The following KIAA0232 variants were observed in gnomAD, a reference collection of about 807,000 sequenced individuals.
KIAA0232 encodes the protein uncharacterized protein KIAA0232.
Under a neutral mutation model 122.0 loss-of-function variants are expected in KIAA0232, and 27 were observed. That is an observed-to-expected ratio of 0.22 (90% CI 0.16 to 0.31). KIAA0232 has a LOEUF of 0.31. Ranked by LOEUF, KIAA0232 falls within the 10% of genes least tolerant of loss-of-function variation. KIAA0232 has a pLI of 1.00. For synonymous variants in KIAA0232, 613 were observed against 587.6 expected (o/e 1.04, Z -0.63); for missense variants, 1,551 against 1,634.2 (o/e 0.95, Z 0.88).
chr4:6,873,169 C>T (rs994788714), intron 8 of KIAA0232, among the ~76,000 whole-genome samples: 1 of 151,892 alleles, frequency 6.6e-6, no homozygotes, highest in African/African-American at 2.4e-5. Flanking sequence ...AGGAGATGCC[C>T]CCCGCTAGTT....
chr4:6,823,891 C>T (rs114845862), intron 2 of KIAA0232, among the ~76,000 whole-genome samples: 3,318 of 152,108 alleles, frequency 0.022, 58 homozygotes, highest in Middle Eastern at 0.051. Context: ...CACACTGGAG[C>T]GCAGGGGTTA....
intron 1 of KIAA0232, among the ~76,000 whole-genome samples, chr4:6,784,443 G>A (rs1437619792): frequency 2.6e-5 from 4 of 151,776 alleles, no homozygotes; most frequent in African/African-American, 7.3e-5. Flanking sequence ...GGCGGGGGGG[G>A]AGGAGGAGCG....
Position 6,871,787 on chromosome 4 carries a change from G to A in KIAA0232, c.3910+105G>A. ...TCAGTCCAAGAAACATTTACCAAGA[G>A]GTTTCTGTGTGGGTAGCACTTTGTC... On this transcript the variant is annotated intron_variant, in intron 8 of 9. Transcript: ENST00000307659. 4 of 727,492 alleles carry A rather than the reference G, an allele frequency of 5.5e-6. No homozygotes were observed. In the South Asian group the frequency reaches 7.0e-5, roughly 13 times the overall value. 45.1% of individuals were successfully genotyped at this position (727,492 alleles called of 1,614,324 possible).
At chr4:6,853,098 T>C (rs1257879737) in intron 4 of KIAA0232, among the ~76,000 whole-genome samples, 5 of 152,108 alleles carry the variant, frequency 3.3e-5, no homozygotes, top group East Asian at 3.9e-4. Context: ...ATAATGAAAA[T>C]TGGGGACTGA....
At chr4:6,842,422 A>G (rs1032119322) in intron 4 of KIAA0232, among the ~76,000 whole-genome samples, 3 of 152,164 alleles carry the variant, frequency 2.0e-5, no homozygotes, top group Non-Finnish European at 4.4e-5. Flanking sequence ...AATTAAGAGT[A>G]TACACAAAAT....
At chr4:6,803,208 T>TGC (rs1717468652) in intron 1 of KIAA0232, among the ~76,000 whole-genome samples, 1 of 144,442 alleles carries the variant, frequency 6.9e-6, no homozygotes, top group Non-Finnish European at 1.5e-5. Flanking sequence ...TGAGTGCATA[T>TGC]ATATATATAT....
chr4:6,864,725 G>A (rs140454019), intron 7 of KIAA0232, among the ~76,000 whole-genome samples: 41 of 116,336 alleles, frequency 3.5e-4, no homozygotes, highest in African/African-American at 1.3e-3. Context: ...GTGACAGGGT[G>A]AGACTCCATC....
At chr4:6,817,271 T>G (rs992098912) in intron 2 of KIAA0232, among the ~76,000 whole-genome samples, 14 of 152,182 alleles carry the variant, frequency 9.2e-5, no homozygotes, top group African/African-American at 3.1e-4. Flanking sequence ...ACTTCCTAAT[T>G]GGCATGATCT....
chr4:6,873,004 G>C (rs1721573426), intron 8 of KIAA0232, among the ~76,000 whole-genome samples: 1 of 152,152 alleles, frequency 6.6e-6, no homozygotes. Context: ...AGAGCGTAGA[G>C]CTGAGTCTTC....
In KIAA0232 at chr4:6,882,720, A is replaced by T. The variant is rs1477224927; in HGVS notation, c.*1754A>T. 3 of 152,610 alleles carry T rather than the reference A, an allele frequency of 2.0e-5. No homozygotes were observed. Among genetic ancestry groups the T allele is most frequent in the Non-Finnish European group, 2.9e-5 (2 of 68,030 alleles). The allele number at this position is 152,610 out of a possible 1,614,324, so 9.5% of individuals were successfully genotyped here. A position where few individuals can be genotyped will look rare whatever the true frequency, so the allele number is the denominator to read the frequency against. On this transcript the variant is annotated 3_prime_UTR_variant, in exon 10 of 10. Coordinates refer to ENST00000307659, the MANE Select transcript of KIAA0232 (RefSeq NM_014743.3). ...ATTTACGAACTTCAGATACGTTTTT[A>T]TGTATTTTTCATTCTTCTGGAGCTT...
intron 7 of KIAA0232, among the ~76,000 whole-genome samples, chr4:6,869,342 A>G (rs766426628): frequency 2.0e-5 from 3 of 152,252 alleles, no homozygotes; most frequent in Non-Finnish European, 2.9e-5. Context: ...CTTATCTTCA[A>G]TAGCGCCTTA....
chr4:6,785,289 C>G (rs1716568460), intron 1 of KIAA0232, among the ~76,000 whole-genome samples: 1 of 152,176 alleles, frequency 6.6e-6, no homozygotes, highest in Non-Finnish European at 1.5e-5. Flanking sequence ...ATGTAGCTAG[C>G]CTACTCTGTG....
intron 1 of KIAA0232, among the ~76,000 whole-genome samples, chr4:6,783,129 C>G (rs1302753285): frequency 6.6e-6 from 1 of 151,554 alleles, no homozygotes; most frequent in South Asian, 2.1e-4. Context: ...GAGGCCGGGC[C>G]GCCGCTGATG....
intron 7 of KIAA0232, among the ~76,000 whole-genome samples, chr4:6,870,826 C>T (rs1234810684): frequency 6.7e-6 from 1 of 149,410 alleles, no homozygotes; most frequent in Non-Finnish European, 1.5e-5. Context: ...AAGGAAGTTT[C>T]TTTGATTCCA....
chr4:6,879,471 G>A (rs986944920), intron 9 of KIAA0232, among the ~76,000 whole-genome samples: 6 of 152,128 alleles, frequency 3.9e-5, no homozygotes, highest in Non-Finnish European at 8.8e-5. Flanking sequence ...CTACAGCCCT[G>A]TATGTTTTGC....
chr4:6,858,717 G>T (rs560833254), intron 6 of KIAA0232, among the ~76,000 whole-genome samples: 1 of 152,130 alleles, frequency 6.6e-6, no homozygotes, highest in Non-Finnish European at 1.5e-5. Context: ...AATATTTGTG[G>T]AACAAATGAG....
At chr4:6,791,561 T>G (rs1716895231) in intron 1 of KIAA0232, among the ~76,000 whole-genome samples, 1 of 152,080 alleles carries the variant, frequency 6.6e-6, no homozygotes, top group Non-Finnish European at 1.5e-5. Flanking sequence ...ACTCCTGAAC[T>G]CAAGCGATGC....
chr4:6,847,171 A>G (rs1024024840), intron 4 of KIAA0232, among the ~76,000 whole-genome samples: 2 of 152,090 alleles, frequency 1.3e-5, no homozygotes, highest in Non-Finnish European at 2.9e-5. Flanking sequence ...GTGTGTGGCT[A>G]TTATGTGTGT....
At position 6,861,956 on chromosome 4, in the gene KIAA0232, A is replaced by G; in HGVS notation, c.1574A>G (p.Glu525Gly). The G allele has an allele frequency of 1.2e-6, 2 of 1,614,118 alleles. No homozygotes were observed. The highest frequency in any genetic ancestry group is 2.7e-5 in the African/African-American group (2 of 75,062). Residue 525 changes from glutamate to glycine, a missense_variant, in exon 7 of 10, where the codon GAA becomes GGA. Glu to Gly is a moderately conservative substitution (Grantham distance 98, BLOSUM62 -2). Transcript: ENST00000307659. Reference sequence around the variant, plus strand: ...TCCATGTTGGATCCTGGTGCCTCAGAAACAATGCAAGGAGAAAGTCGGATT... The same window carrying G: ...TCCATGTTGGATCCTGGTGCCTCAGGAACAATGCAAGGAGAAAGTCGGATT... ...DQSMLDPGAS[E>G]TMQGESRILN...
Sources: gnomAD v4.1 joint callset for allele counts (sites outside exome capture counted in the v4.1 genomes callset) on GRCh38, gnomAD v4.1.1 for gene constraint, MANE v1.5 for transcripts, NCBI Gene and HGNC (gene_info 2026-07-23, HGNC 2026-07-21) for gene names.